Variants in RALGAPA1 observed in about 807,000 individuals in gnomAD.
RALGAPA1 encodes ral GTPase-activating protein subunit alpha-1.
In RALGAPA1, 52 loss-of-function variants were observed where a neutral mutation model predicts 269.6. The ratio of observed to expected loss-of-function variants is 0.19; its 90% confidence interval spans 0.15 to 0.24. The LOEUF (loss-of-function observed/expected upper bound fraction) is 0.24, where lower values mean the gene tolerates loss of function less well. Ranked by LOEUF, RALGAPA1 falls within the 10% of genes least tolerant of loss-of-function variation. The pLI is 1.00. For synonymous variants in RALGAPA1, 817 were observed against 1,008.3 expected, an observed-to-expected ratio of 0.81 and a Z score of 3.60; for missense variants, 1,917 against 3,013.9, an observed-to-expected ratio of 0.64 and a Z score of 8.52.
At chr14:35,745,384 C>A (rs1329463308) in intron 10 of RALGAPA1, among the ~76,000 whole-genome samples, 2 of 150,840 alleles carry the variant, frequency 1.3e-5, no homozygotes, top group East Asian at 3.9e-4. Context: ...AGCAATGGAA[C>A]AGACAGCCAG....
intron 16 of RALGAPA1, among the ~76,000 whole-genome samples, chr14:35,701,787 C>A (rs1030153516): frequency 2.6e-5 from 4 of 152,048 alleles, no homozygotes; most frequent in Non-Finnish European, 4.4e-5. Context: ...GGACCACAGG[C>A]ATATGTCACC....
intron 16 of RALGAPA1, among the ~76,000 whole-genome samples, chr14:35,705,020 C>T (rs1310188161): frequency 6.6e-6 from 1 of 151,906 alleles, no homozygotes; most frequent in Non-Finnish European, 1.5e-5. Flanking sequence ...TTTTTCAAAA[C>T]AGTTTTAGGT....
chr14:35,565,686 C>T (rs913473090), intron 39 of RALGAPA1, among the ~76,000 whole-genome samples: 2 of 152,110 alleles, frequency 1.3e-5, no homozygotes, highest in African/African-American at 4.8e-5. Context: ...GGTTCTGTTT[C>T]TCTGAGAACC....
intron 41 of RALGAPA1, chr14:35,541,591 T>A (rs1225400064): frequency 2.7e-6 from 1 of 371,860 alleles, no homozygotes; most frequent in Non-Finnish European, 5.3e-6. Context: ...TACTGGAAAA[T>A]TTATGGGAGA....
chr14:35,586,835 T>C (rs976150884), intron 37 of RALGAPA1, among the ~76,000 whole-genome samples: 1 of 152,208 alleles, frequency 6.6e-6, no homozygotes, highest in African/African-American at 2.4e-5. Context: ...ACATAAGCTT[T>C]TTGTTGTGCT....
At chr14:35,633,814 C>T (rs1475207564) in intron 33 of RALGAPA1, among the ~76,000 whole-genome samples, 2 of 152,098 alleles carry the variant, frequency 1.3e-5, no homozygotes, top group Non-Finnish European at 2.9e-5. Context: ...TTGTTACACT[C>T]CTATTACATT....
At chr14:35,804,841 A>G (rs1193220482) in intron 1 of RALGAPA1, among the ~76,000 whole-genome samples, 2 of 151,934 alleles carry the variant, frequency 1.3e-5, no homozygotes, top group Non-Finnish European at 2.9e-5. Flanking sequence ...AGGAAGGAGG[A>G]TCGCTGGACC....
intron 35 of RALGAPA1, among the ~76,000 whole-genome samples, chr14:35,619,282 C>T (rs1200839260): frequency 1.3e-5 from 2 of 152,046 alleles, no homozygotes; most frequent in African/African-American, 4.8e-5. Context: ...ACCCCATTTT[C>T]CATGATGTGA....
chr14:35,787,385 C>A (rs920496262), intron 1 of RALGAPA1, among the ~76,000 whole-genome samples: 2 of 152,128 alleles, frequency 1.3e-5, no homozygotes, highest in South Asian at 2.1e-4. Flanking sequence ...CGACTGGGAA[C>A]CTTGAAGCTA....
At chr14:35,649,615 T>C (rs2062678633) in intron 31 of RALGAPA1, among the ~76,000 whole-genome samples, 1 of 152,220 alleles carries the variant, frequency 6.6e-6, no homozygotes, top group South Asian at 2.1e-4. Flanking sequence ...TTCATACCAC[T>C]TGGAATAATT....
chr14:35,676,146 CT>C (rs2064922227), intron 22 of RALGAPA1: 2 of 152,160 alleles, frequency 1.3e-5, no homozygotes, highest in African/African-American at 4.8e-5. Flanking sequence ...CTAACTTACC[CT>C]TTTCAAAGCT....
Position 35,688,950 on chromosome 14 carries a change from A to G in RALGAPA1, c.3461T>C (p.Phe1154Ser), listed in dbSNP as rs1489058927. ...TKKRNSVHVT[F>S]RPSTESVQFY... ...CTGAACGGACTCAGTGGATGGCCTA[A>G]AAGTAACATGAACACTATTTCGTTT... is the stretch of plus-strand genomic sequence containing the variant. The change falls in exon 18 of 42, where the codon TTT becomes TCT. Residue 1154 changes from phenylalanine to serine, a missense_variant. By Grantham distance (155) the Phe-to-Ser change is radical (BLOSUM62 -2). Around this residue, in one of 11 missense-constraint regions of RALGAPA1, gnomAD observed 615 missense variants for 790.0 expected, o/e 0.78. Transcript: ENST00000680220. 8 of 1,242,184 alleles carry G rather than the reference A, an allele frequency of 6.4e-6. No individual in the cohort carries two copies. The highest frequency in any genetic ancestry group is 8.0e-6 in the Non-Finnish European group (8 of 993,962). The allele number at this position is 1,242,184 out of a possible 1,614,324, so 76.9% of individuals were successfully genotyped here.
intron 1 of RALGAPA1, among the ~76,000 whole-genome samples, chr14:35,778,988 TAAG>T (rs972772223): frequency 6.6e-6 from 1 of 152,176 alleles, no homozygotes; most frequent in East Asian, 1.9e-4. Flanking sequence ...ACTTAGCTCA[TAAG>T]AAGTAGAGTC....
At chr14:35,788,106 G>C (rs1178014984) in intron 1 of RALGAPA1, among the ~76,000 whole-genome samples, 1 of 151,936 alleles carries the variant, frequency 6.6e-6, no homozygotes, top group African/African-American at 2.4e-5. Flanking sequence ...CGGGTAGCTG[G>C]GATTACAGGC....
At chr14:35,731,826 A>G (rs2070500085) in intron 12 of RALGAPA1, among the ~76,000 whole-genome samples, 1 of 151,832 alleles carries the variant, frequency 6.6e-6, no homozygotes, top group Non-Finnish European at 1.5e-5. Context: ...GGAATAATCA[A>G]GGAAAGCTTC....
intron 16 of RALGAPA1, among the ~76,000 whole-genome samples, chr14:35,720,892 A>G (rs2069350694): frequency 6.6e-6 from 1 of 152,204 alleles, no homozygotes; most frequent in South Asian, 2.1e-4. Context: ...ATGATCCAAC[A>G]AAGGCAACAG....
intron 29 of RALGAPA1, 68 bp from the exon 30 acceptor site, chr14:35,654,545 A>G (rs1045414341): frequency 6.7e-7 from 1 of 1,492,596 alleles, no homozygotes; most frequent in South Asian, 1.3e-5. Flanking sequence ...TTATCTGCTG[A>G]AAATTTTTAC....
intron 4 of RALGAPA1, among the ~76,000 whole-genome samples, chr14:35,767,691 AAAAC>A (rs1567188966): frequency 2.0e-5 from 3 of 152,192 alleles, no homozygotes. Context: ...CCATCTCAAA[AAAAC>A]AAACAAATAA....
intron 1 of RALGAPA1, among the ~76,000 whole-genome samples, chr14:35,804,605 A>G (rs2077220697): frequency 7.3e-6 from 1 of 137,852 alleles, no homozygotes; most frequent in Admixed American, 7.1e-5. Flanking sequence ...AAATAAATAA[A>G]TAAATAAATA....
Sources: allele counts gnomAD v4.1 joint callset (sites outside exome capture counted in the v4.1 genomes callset), GRCh38; gene constraint gnomAD v4.1.1; regional missense constraint gnomAD v4.1.1; transcripts MANE v1.5; gene names NCBI Gene and HGNC (gene_info 2026-07-23, HGNC 2026-07-21).